Variants in TTC1 observed in about 807,000 individuals in gnomAD.
TTC1 encodes tetratricopeptide repeat protein 1.
TTC1 carries 31 observed loss-of-function variants against 37.6 expected under a neutral mutation model. The ratio of observed to expected loss-of-function variants is 0.82; its 90% confidence interval spans 0.62 to 1.11. The LOEUF is 1.11. Ranked by LOEUF, TTC1 falls within the 50% of genes most tolerant of loss-of-function variation. The probability of loss-of-function intolerance (pLI) is 0.00; values close to 1 mark genes in which losing one functional copy is unlikely to be tolerated. For synonymous variants in TTC1, 127 were observed against 122.4 expected, an observed-to-expected ratio of 1.04 and a Z score of -0.25; for missense variants, 351 against 339.0, an observed-to-expected ratio of 1.04 and a Z score of -0.28.
intron 5 of TTC1, among the ~76,000 whole-genome samples, chr5:160,043,827 AT>A (rs924273118): frequency 7.1e-4 from 108 of 151,224 alleles, no homozygotes; most frequent in East Asian, 5.8e-4. Context: ...ACTTCACATC[AT>A]TTTTTTTTAA....
intron 2 of TTC1, chr5:160,023,950 A>G (rs1232700450): frequency 3.2e-6 from 5 of 1,565,692 alleles, no homozygotes; most frequent in African/African-American, 1.4e-5. Context: ...CCTCTTCCTC[A>G]TCAGGTATCA....
intron 2 of TTC1, chr5:160,023,759 T>C: frequency 6.2e-7 from 1 of 1,612,914 alleles, no homozygotes; most frequent in Non-Finnish European, 8.5e-7. Flanking sequence ...CTTTTTCTTC[T>C]TCTTTGCTGC....
chr5:160,009,750 C>T (rs1276883263), intron 1 of TTC1, among the ~76,000 whole-genome samples: 3 of 152,192 alleles, frequency 2.0e-5, no homozygotes, highest in Non-Finnish European at 4.4e-5. Context: ...TAATGCCTGA[C>T]TCTGGCCCCC....
chr5:160,012,033 G>A (rs967927543), intron 2 of TTC1, among the ~76,000 whole-genome samples: 9 of 152,160 alleles, frequency 5.9e-5, no homozygotes, highest in African/African-American at 2.2e-4. Context: ...CACCAGAACA[G>A]GAGGAAAAAG....
intron 7 of TTC1, among the ~76,000 whole-genome samples, chr5:160,056,641 T>G (rs1272625304): frequency 6.6e-6 from 1 of 152,190 alleles, no homozygotes; most frequent in Non-Finnish European, 1.5e-5. Flanking sequence ...GAGGATTGCT[T>G]GAGCCCAGGA....
At chr5:160,061,085 G>A (rs1021848657) in intron 7 of TTC1, among the ~76,000 whole-genome samples, 1 of 152,162 alleles carries the variant, frequency 6.6e-6, no homozygotes, top group Non-Finnish European at 1.5e-5. Flanking sequence ...GTAGGCTGAC[G>A]GGCCTGGCTC....
intron 2 of TTC1, among the ~76,000 whole-genome samples, chr5:160,017,405 G>A (rs1187701475): frequency 1.3e-5 from 2 of 152,094 alleles, no homozygotes; most frequent in African/African-American, 2.4e-5. Context: ...GCAGGGGCAG[G>A]GCAGCTCCCT....
chr5:160,020,685 A>G (rs1208466003), intron 2 of TTC1, among the ~76,000 whole-genome samples: 3 of 152,226 alleles, frequency 2.0e-5, no homozygotes, highest in Non-Finnish European at 4.4e-5. Context: ...TGCACATGCA[A>G]GGGATCTGTG....
chr5:160,020,372 C>T (rs1181265599), intron 2 of TTC1, among the ~76,000 whole-genome samples: 2 of 152,200 alleles, frequency 1.3e-5, no homozygotes, highest in East Asian at 3.8e-4. Context: ...CACTTGGCCT[C>T]CCAAAGTGCT....
At chr5:160,059,485 G>C (rs1008512700) in intron 7 of TTC1, among the ~76,000 whole-genome samples, 1 of 152,190 alleles carries the variant, frequency 6.6e-6, no homozygotes, top group African/African-American at 2.4e-5. Context: ...AAGCAATAAG[G>C]CTGTTTTGCT....
At chr5:160,052,563 A>AAAC (rs1245454628) in intron 7 of TTC1, among the ~76,000 whole-genome samples, 1 of 151,484 alleles carries the variant, frequency 6.6e-6, no homozygotes, top group Non-Finnish European at 1.5e-5. Flanking sequence ...AAAAAAAAAA[A>AAAC]AAAAAAAAAA....
rs1470185590 is a variant in TTC1 at position 160,065,239 on chromosome 5, TC to T, written c.*176del. On this transcript the variant is annotated 3_prime_UTR_variant, in exon 8 of 8. Coordinates refer to ENST00000231238, the MANE Select transcript of TTC1 (RefSeq NM_003314.3). ...TTTTATGATCAGGGTGAAATGTACTTCCTGATGTAATGAACCTAATTTGATT... is the reference window on the plus strand; with the variant it reads ...TTTTATGATCAGGGTGAAATGTACTTCTGATGTAATGAACCTAATTTGATT... 1.1e-6 allele frequency: 1 copy of T among 918,460 alleles called. No individual in the cohort carries two copies. The allele number at this position is 918,460 out of a possible 1,614,324, so 56.9% of individuals were successfully genotyped here. A position where few individuals can be genotyped will look rare whatever the true frequency, so the allele number is the denominator to read the frequency against.
intron 4 of TTC1, among the ~76,000 whole-genome samples, chr5:160,042,704 G>A (rs1328643326): frequency 2.6e-5 from 4 of 152,304 alleles, no homozygotes; most frequent in Admixed American, 2.6e-4. Context: ...TCTGTAGGTG[G>A]AGCATCTGTA....
intron 7 of TTC1, among the ~76,000 whole-genome samples, chr5:160,053,585 A>G (rs909774019): frequency 3.3e-5 from 5 of 152,130 alleles, no homozygotes; most frequent in African/African-American, 1.2e-4. Flanking sequence ...AAAATTATAA[A>G]ATCAGGTAGT....
chr5:160,033,364 A>C (rs1756945830), intron 2 of TTC1, among the ~76,000 whole-genome samples: 1 of 152,206 alleles, frequency 6.6e-6, no homozygotes, highest in Non-Finnish European at 1.5e-5. Flanking sequence ...TTCACTCTAT[A>C]CTTACCTTTT....
chr5:160,025,084 G>A (rs1362680214), intron 2 of TTC1, among the ~76,000 whole-genome samples: 2 of 152,330 alleles, frequency 1.3e-5, no homozygotes, highest in East Asian at 1.9e-4. Flanking sequence ...CTGAAGTGCA[G>A]TGGTGCAATC....
chr5:160,030,642 G>A (rs1301053647), intron 2 of TTC1, among the ~76,000 whole-genome samples: 3 of 152,072 alleles, frequency 2.0e-5, no homozygotes, highest in African/African-American at 7.2e-5. Flanking sequence ...TGGCTGTTTG[G>A]GGCTCTCCTT....
chr5:160,044,246 AG>A (rs1293345913), intron 5 of TTC1, among the ~76,000 whole-genome samples: 1 of 152,222 alleles, frequency 6.6e-6, no homozygotes, highest in Non-Finnish European at 1.5e-5. Context: ...GTTACCAAAA[AG>A]GGGTCCTGAT....
At chr5:160,064,866 T>C in intron 7 of TTC1, 66 bp from the exon 8 acceptor site, 1 of 1,524,200 alleles carries the variant, frequency 6.6e-7, no homozygotes, top group South Asian at 1.2e-5. Flanking sequence ...TAAGGCAAGA[T>C]TAATTGGTAC....
Sources: allele counts gnomAD v4.1 joint callset (sites outside exome capture counted in the v4.1 genomes callset), GRCh38; gene constraint gnomAD v4.1.1; transcripts MANE v1.5; gene names NCBI Gene and HGNC (gene_info 2026-07-23, HGNC 2026-07-21).